The following ZNF469 variants were observed in gnomAD, a reference collection of about 807,000 sequenced individuals.
ZNF469 encodes zinc finger protein 469.
ZNF469 carries 1 observed loss-of-function variant against 1.0 expected under a neutral mutation model. The ratio of observed to expected loss-of-function variants is 1.00; its 90% CI spans 0.35 to 4.73. The LOEUF is 4.73. Ranked by LOEUF, ZNF469 falls within the 30% of genes most tolerant of loss-of-function variation. The pLI, the probability that ZNF469 is intolerant of heterozygous loss-of-function variation, is 0.16. For missense variants in ZNF469, 6,100 were observed against 5,356.3 expected, an observed-to-expected ratio of 1.14 and a Z score of -4.33; for synonymous variants, 2,703 against 2,363.4, an observed-to-expected ratio of 1.14 and a Z score of -4.17.
At chr16:88,402,263 G>A (rs1904904238) in intron 1 of ZNF469, among the ~76,000 whole-genome samples, 1 of 152,174 alleles carries the variant, frequency 6.6e-6, no homozygotes, top group Non-Finnish European at 1.5e-5. Flanking sequence ...CAGAAGCACA[G>A]TGGTGACCCT....
At chr16:88,400,657 T>TCATGC (rs1295779641) in intron 1 of ZNF469, among the ~76,000 whole-genome samples, 4 of 151,924 alleles carry the variant, frequency 2.6e-5, no homozygotes, top group Non-Finnish European at 5.9e-5. Flanking sequence ...GTCCCCACAG[T>TCATGC]CATGGGTCAG....
chr16:88,106,266 C>G, the ZNF469 span, among the ~76,000 whole-genome samples: 18 of 152,346 alleles, frequency 1.2e-4, no homozygotes, highest in African/African-American at 4.3e-4. Flanking sequence ...TTCCTCCATG[C>G]CGCTCCTGCG....
At chr16:88,252,723 A>G in the ZNF469 span, among the ~76,000 whole-genome samples, 311 of 152,334 alleles carry the variant, frequency 2.0e-3, 1 homozygote, top group African/African-American at 7.2e-3. Context: ...ACTGAAGCAT[A>G]ACTTACAGTA....
At chr16:88,127,749 A>G in the ZNF469 span, among the ~76,000 whole-genome samples, 3,312 of 152,150 alleles carry the variant, frequency 0.022, 119 homozygotes, top group African/African-American at 0.076. Context: ...TGAATTCTGT[A>G]TTTGAGATGA....
chr16:88,368,870 G>A, the ZNF469 span, among the ~76,000 whole-genome samples: 3 of 152,158 alleles, frequency 2.0e-5, no homozygotes, highest in Non-Finnish European at 2.9e-5. Flanking sequence ...CTTGAGGTCA[G>A]GAGTTCGAGA....
the ZNF469 span, among the ~76,000 whole-genome samples, chr16:88,309,805 G>A: frequency 1.3e-5 from 2 of 152,162 alleles, no homozygotes; most frequent in African/African-American, 4.8e-5. Flanking sequence ...TCAAATGCTG[G>A]CCTCCAAGCC....
chr16:88,210,465 G>A, the ZNF469 span, among the ~76,000 whole-genome samples: 2 of 152,154 alleles, frequency 1.3e-5, no homozygotes, highest in African/African-American at 4.8e-5. Flanking sequence ...TTTTTATACC[G>A]TCAAATATAC....
chr16:88,309,195 A>T, the ZNF469 span, among the ~76,000 whole-genome samples: 1 of 152,158 alleles, frequency 6.6e-6, no homozygotes, highest in Non-Finnish European at 1.5e-5. Context: ...CTCTCAGGGG[A>T]AGGAGGAAGG....
At chr16:88,377,176 G>A in the ZNF469 span, among the ~76,000 whole-genome samples, 1 of 152,234 alleles carries the variant, frequency 6.6e-6, no homozygotes, top group Non-Finnish European at 1.5e-5. Flanking sequence ...AATGGGGCAG[G>A]GGCACAGACC....
At chr16:88,107,139 C>T in the ZNF469 span, among the ~76,000 whole-genome samples, 1 of 111,196 alleles carries the variant, frequency 9.0e-6, no homozygotes, top group Non-Finnish European at 1.9e-5. Flanking sequence ...CAGGCTGACT[C>T]TGGCCAGCTG....
the ZNF469 span, among the ~76,000 whole-genome samples, chr16:88,160,404 T>C: frequency 1 from 151,999 of 152,288 alleles, 75,855 homozygotes; most frequent in Middle Eastern, 1. Context: ...GCATTTTTAA[T>C]GAGGTATTGC....
At chr16:88,104,300 C>T in the ZNF469 span, among the ~76,000 whole-genome samples, 1 of 151,370 alleles carries the variant, frequency 6.6e-6, no homozygotes, top group East Asian at 1.9e-4. Context: ...GCTTCACATA[C>T]CATAGAGTTC....
chr16:88,414,660 C>T (rs1217232206), intron 1 of ZNF469, among the ~76,000 whole-genome samples: 1 of 152,272 alleles, frequency 6.6e-6, no homozygotes, highest in Non-Finnish European at 1.5e-5. Flanking sequence ...TCTGTCCTGG[C>T]TGTGGCCTCC....
chr16:88,271,664 C>A, the ZNF469 span, among the ~76,000 whole-genome samples: 1 of 146,978 alleles, frequency 6.8e-6, no homozygotes, highest in Non-Finnish European at 1.5e-5. Context: ...AGGGTCAGAG[C>A]GAAGGTGAGG....
chr16:88,303,552 C>T, the ZNF469 span, among the ~76,000 whole-genome samples: 1 of 152,216 alleles, frequency 6.6e-6, no homozygotes, highest in Non-Finnish European at 1.5e-5. Flanking sequence ...TTCTTGGAGG[C>T]ATCTCAGAAG....
chr16:88,141,674 C>G, the ZNF469 span, among the ~76,000 whole-genome samples: 2 of 152,238 alleles, frequency 1.3e-5, no homozygotes, highest in African/African-American at 4.8e-5. Flanking sequence ...TCCTGGTCAT[C>G]TGGGTGGCCC....
At chr16:88,371,256 T>C in the ZNF469 span, among the ~76,000 whole-genome samples, 1 of 152,216 alleles carries the variant, frequency 6.6e-6, no homozygotes, top group Non-Finnish European at 1.5e-5. Flanking sequence ...GAGGAGTTAG[T>C]CAATACTAAG....
At position 88,433,095 on chromosome 16, in the gene ZNF469, G is replaced by A; in HGVS notation, c.5625G>A (p.Leu1875=). 3.9e-6 allele frequency: 6 copies of A among 1,550,310 alleles called. No individual in the cohort carries two copies. Among genetic ancestry groups the A allele is most frequent in the Non-Finnish European group, 5.2e-6 (6 of 1,146,956 alleles). Residue 1875 remains leucine, a synonymous_variant, in exon 3 of 3, where the codon TTG becomes TTA. Transcript: ENST00000565624. ...CCCCCCGGGGCAGGGAGGCTTGGTT[G>A]GTCCCTGTGCCAAGTCCCGCCTGTG... ...LTAPRGREAW[L]VPVPSPACVS...
At chr16:88,251,538 C>CTTTTTTTTTTTTTTT in the ZNF469 span, among the ~76,000 whole-genome samples, 9 of 51,290 alleles carry the variant, frequency 1.8e-4, 1 homozygote, top group East Asian at 3.5e-3. Context: ...TCCCTGCTGT[C>CTTTTTTTTTTTTTTT]TTTTTTTTTT....
Sources: gnomAD v4.1 joint callset for allele counts (sites outside exome capture counted in the v4.1 genomes callset) on GRCh38, gnomAD v4.1.1 for gene constraint, MANE v1.5 for transcripts, NCBI Gene and HGNC (gene_info 2026-07-23, HGNC 2026-07-21) for gene names.